STK39: variants seen among roughly 807,000 people sequenced by gnomAD.
The protein encoded by STK39 is serine/threonine kinase 39, also known as STE20/SPS1-related proline-alanine-rich protein kinase.
STK39 carries 20 observed loss-of-function variants against 77.8 expected under a neutral mutation model. That is an observed-to-expected ratio of 0.26 (90% CI 0.18 to 0.37). The LOEUF (loss-of-function observed/expected upper bound fraction) is 0.37. Among genes scored for constraint, STK39 ranks in the 10% least tolerant of loss-of-function variants. The pLI, the probability that STK39 is intolerant of heterozygous loss-of-function variation, is 1.00. For synonymous variants in STK39, 246 were observed against 234.1 expected, an observed-to-expected ratio of 1.05 and a Z score of -0.47; for missense variants, 479 against 656.5, an observed-to-expected ratio of 0.73 and a Z score of 2.95.
rs527618903 is a variant in STK39 at position 168,209,991 on chromosome 2, T to C, written c.209-27901A>G. Among the ~76,000 whole-genome samples the C allele has an allele frequency of 4.8e-3, 552 of 114,850 alleles. 2 individuals are homozygous for C. The highest frequency in any genetic ancestry group is 6.8e-3 in the Non-Finnish European group (408 of 59,634). The allele number at this position is 114,850 out of a possible 152,430, so 75.3% of individuals were successfully genotyped here. On this transcript the variant is annotated intron_variant, in intron 1 of 17. Transcript: ENST00000355999. ...CAGCTTGGGTGACAAAGTGAGACTCTATCTCAAAAAAAAAAAAAAAATAGG... is the reference window on the plus strand; with the variant it reads ...CAGCTTGGGTGACAAAGTGAGACTCCATCTCAAAAAAAAAAAAAAAATAGG...
chr2:167,982,241 A>C (rs895866), intron 16 of STK39, among the ~76,000 whole-genome samples: 18,204 of 152,056 alleles, frequency 0.12, 1,337 homozygotes, highest in Middle Eastern at 0.19. Context: ...TTTGCATTAA[A>C]CCCCTCTGAC....
intron 10 of STK39, among the ~76,000 whole-genome samples, chr2:168,114,771 C>T (rs1687215304): frequency 6.7e-6 from 1 of 149,642 alleles, no homozygotes; most frequent in Admixed American, 6.7e-5. Flanking sequence ...TGGCTGACAT[C>T]GGACCTCATA....
chr2:168,224,646 T>C (rs1690259854), intron 1 of STK39, among the ~76,000 whole-genome samples: 2 of 152,232 alleles, frequency 1.3e-5, no homozygotes, highest in South Asian at 4.1e-4. Flanking sequence ...TTAAGAGATT[T>C]TTCTCCTAAC....
At chr2:168,242,106 CCA>C (rs1230905986) in intron 1 of STK39, among the ~76,000 whole-genome samples, 2 of 152,146 alleles carry the variant, frequency 1.3e-5, no homozygotes. Context: ...AGTCACTTTA[CCA>C]CAGTTTCAAG....
intron 1 of STK39, among the ~76,000 whole-genome samples, chr2:168,233,505 TTGCTGAGTTAGAATTTCTATTA>T (rs1331355479): frequency 2.0e-5 from 3 of 152,208 alleles, no homozygotes; most frequent in Non-Finnish European, 2.9e-5. Flanking sequence ...CAAATAGTGC[TTGCTGAGTTAGAATTTCTATTA>T]AGGAACTGGC....
At chr2:168,144,194 G>A (rs1224031080) in intron 5 of STK39, among the ~76,000 whole-genome samples, 1 of 152,200 alleles carries the variant, frequency 6.6e-6, no homozygotes, top group Non-Finnish European at 1.5e-5. Context: ...AGATCTGAGT[G>A]TTAACAGTGA....
chr2:168,068,644 T>C (rs1250067936), intron 12 of STK39, among the ~76,000 whole-genome samples: 1 of 152,178 alleles, frequency 6.6e-6, no homozygotes, highest in African/African-American at 2.4e-5. Flanking sequence ...TATTCCAAAA[T>C]CAAAAGTTCA....
At chr2:168,030,067 C>T (rs183820773) in intron 14 of STK39, among the ~76,000 whole-genome samples, 4 of 151,556 alleles carry the variant, frequency 2.6e-5, no homozygotes, top group African/African-American at 7.3e-5. Context: ...GGTGAAACCC[C>T]GTCTCTACTA....
Position 167,954,458 on chromosome 2 carries a change from T to C in STK39, c.*1038A>G, listed in dbSNP as rs1239919895. The C allele has an allele frequency of 6.6e-6, 1 of 152,642 alleles. No homozygotes were observed. The highest frequency in any genetic ancestry group is 1.5e-5 in the Non-Finnish European group (1 of 68,032). 9.5% of individuals were successfully genotyped at this position (152,642 alleles called of 1,614,324 possible). On this transcript the variant is annotated 3_prime_UTR_variant, in exon 18 of 18. Transcript: ENST00000355999. ...CACTCCACCTGGGTATTCTGCAAAA[T>C]TTCAAGTAAAACTCAGATTCTGATA...
intron 1 of STK39, among the ~76,000 whole-genome samples, chr2:168,227,452 T>G (rs1036888203): frequency 1.3e-5 from 2 of 152,190 alleles, no homozygotes; most frequent in African/African-American, 4.8e-5. Flanking sequence ...TCCTATTCAT[T>G]TCTCCCACAT....
chr2:168,101,206 G>A (rs532843567), intron 10 of STK39, among the ~76,000 whole-genome samples: 26 of 152,210 alleles, frequency 1.7e-4, no homozygotes, highest in African/African-American at 3.6e-4. Context: ...AGGGCTTGTC[G>A]GGGGTTAGGG....
chr2:168,054,525 T>C lies in STK39; in HGVS notation c.1376+8975A>G, dbSNP rs182916412. Among the ~76,000 whole-genome samples the C allele has an allele frequency of 1.8e-3, 281 of 152,276 alleles. 1 individual carries two copies. The highest frequency in any genetic ancestry group is 6.1e-3 in the African/African-American group (254 of 41,550). ...CCAAGATATGCATCAGGGACTCAAA[T>C]TCTCAAAGAAAACAACCAAAAGAGA... On this transcript the variant is annotated intron_variant, in intron 14 of 17. Coordinates refer to ENST00000355999, the MANE Select transcript of STK39 (RefSeq NM_013233.3).
At chr2:168,163,288 T>C (rs768147042) in intron 4 of STK39, among the ~76,000 whole-genome samples, 1 of 152,162 alleles carries the variant, frequency 6.6e-6, no homozygotes, top group Non-Finnish European at 1.5e-5. Flanking sequence ...ATAATTCACA[T>C]AGTACAATGT....
intron 1 of STK39, among the ~76,000 whole-genome samples, chr2:168,233,129 C>T (rs925119334): frequency 6.6e-5 from 10 of 152,126 alleles, no homozygotes; most frequent in African/African-American, 1.7e-4. Context: ...ACTATTCTTA[C>T]GTTCATCCTA....
intron 2 of STK39, among the ~76,000 whole-genome samples, chr2:168,176,829 C>T (rs1688967652): frequency 2.0e-5 from 3 of 152,006 alleles, no homozygotes; most frequent in Non-Finnish European, 2.9e-5. Context: ...GCTATCATAC[C>T]GTAATGCTAA....
intron 16 of STK39, among the ~76,000 whole-genome samples, chr2:167,979,751 C>G (rs933056592): frequency 6.6e-6 from 1 of 152,162 alleles, no homozygotes. Flanking sequence ...TTCAGAAACC[C>G]TGACTTTCTT....
chr2:168,135,769 A>G (rs1687815437), intron 8 of STK39, among the ~76,000 whole-genome samples: 1 of 152,202 alleles, frequency 6.6e-6, no homozygotes, highest in Non-Finnish European at 1.5e-5. Flanking sequence ...TATAAGAAAG[A>G]GCTACCTGGG....
At chr2:168,210,080 A>AGGAG (rs1439388333) in intron 1 of STK39, among the ~76,000 whole-genome samples, 3 of 149,902 alleles carry the variant, frequency 2.0e-5, no homozygotes, top group African/African-American at 5.0e-5. Context: ...GAAGGAAGGA[A>AGGAG]GAAAGAAACT....
rs765015877 is a variant in STK39 at position 168,161,772 on chromosome 2, A to G, written c.628+15T>C. On this transcript the variant is annotated intron_variant, in intron 5 of 17. Transcript: ENST00000355999. The stretch of plus-strand genomic sequence containing the variant: ...CCGTAATCAAGTAAAAAATTTTTCT[A>G]TTTATCAGCTTTACCTGCTATTTGT... 4 of 1,595,140 alleles carry G rather than the reference A, an allele frequency of 2.5e-6. No homozygotes were observed. Among genetic ancestry groups the G allele is most frequent in the South Asian group, 2.3e-5 (2 of 86,824 alleles).
Sources: gnomAD v4.1 joint callset for allele counts (sites outside exome capture counted in the v4.1 genomes callset) on GRCh38, gnomAD v4.1.1 for gene constraint, MANE v1.5 for transcripts, NCBI Gene and HGNC (gene_info 2026-07-23, HGNC 2026-07-21) for gene names.